ARHGEF17: variants seen among roughly 807,000 people sequenced by gnomAD.
The protein encoded by ARHGEF17 is Rho guanine nucleotide exchange factor 17, also known as 164 kDa Rho-specific guanine-nucleotide exchange factor.
ARHGEF17 carries 80 observed loss-of-function variants against 174.0 expected under a neutral mutation model. The ratio of observed to expected loss-of-function variants is 0.46; its 90% CI spans 0.38 to 0.55. The LOEUF (loss-of-function observed/expected upper bound fraction) is 0.55, where lower values mean the gene tolerates loss of function less well. Among genes scored for constraint, ARHGEF17 ranks in the 20% least tolerant of loss-of-function variants. The probability of loss-of-function intolerance (pLI) is 0.00; values close to 1 mark genes in which losing one functional copy is unlikely to be tolerated. For missense variants in ARHGEF17, 2,886 were observed against 2,839.7 expected (o/e 1.02, Z -0.37); for synonymous variants, 1,311 against 1,189.1 (o/e 1.10, Z -2.11).
chr11:73,309,377 G>A lies in ARHGEF17; in HGVS notation c.739G>A (p.Ala247Thr), dbSNP rs201209112. The A allele has an allele frequency of 9.1e-5, 145 of 1,589,580 alleles. No homozygotes were observed. In the African/African-American group the frequency reaches 1.8e-3, roughly 20 times the overall value. Residue 247 changes from alanine (A) to threonine (T), a missense_variant, in exon 1 of 21, where the codon GCT becomes ACT. Transcript: ENST00000263674. Reference protein sequence around the residue: ...AASYPVSRSRAASSSEEEEEG... With the variant: ...AASYPVSRSRTASSSEEEEEG... ...CTCCTATCCTGTCAGCCGCAGTCGT[G>A]CTGCCAGCTCCAGCGAGGAGGAAGA...
In ARHGEF17 at chr11:73,365,920, C is replaced by G. The variant is rs1333561187; in HGVS notation, c.5968C>G (p.Pro1990Ala). Residue 1990 changes from proline (P) to alanine (A), a missense_variant, in exon 20 of 21, where the codon CCA becomes GCA. Physicochemically the swap from Pro to Ala is conservative, Grantham distance 27 (BLOSUM62 -1). This residue lies in a region of ARHGEF17 where 329 missense variants were observed against 435.2 expected (regional missense o/e 0.76). Coordinates refer to ENST00000263674, the MANE Select transcript of ARHGEF17 (RefSeq NM_014786.4). The surrounding 1 kb of genome is among the most constrained non-coding windows in gnomAD (Gnocchi z 4.9). Reference sequence around the variant, plus strand: ...GCCAGATGGCTTCAACCTGCTCTGCCCAACCCCACCACCTCCCCCAGACAC... The same window carrying G: ...GCCAGATGGCTTCAACCTGCTCTGCGCAACCCCACCACCTCCCCCAGACAC... ...QLPDGFNLLC[P>A]TPPPPPDTGP... 2 of 1,605,038 alleles carry G rather than the reference C, an allele frequency of 1.2e-6. No individual in the cohort carries two copies. Among genetic ancestry groups the G allele is most frequent in the Middle Eastern group, 1.7e-4 (1 of 6,042 alleles).
Position 73,362,420 on chromosome 11 carries a change from C to CGTCTT in ARHGEF17, c.4695-12_4695-8dup. 6.5e-7 allele frequency: 1 copy of CGTCTT among 1,535,286 alleles called. No homozygotes were observed. Among genetic ancestry groups the CGTCTT allele is most frequent in the Non-Finnish European group, 8.7e-7 (1 of 1,146,934 alleles). ...CTCGTAGCTGCTGTCATCCTCACTC[C>CGTCTT]GTCTTCTCGCAGGGAGCCTCCTCCG... On this transcript the variant is annotated splice_polypyrimidine_tract_variant and intron_variant, in intron 13 of 20. Transcript: ENST00000263674.
chr11:73,341,162 A>G (rs1865362184), intron 1 of ARHGEF17, among the ~76,000 whole-genome samples: 1 of 152,188 alleles, frequency 6.6e-6, no homozygotes, highest in Non-Finnish European at 1.5e-5. Flanking sequence ...TTAAATGTAT[A>G]TTTACGAACT....
In ARHGEF17 at chr11:73,308,762, G is replaced by T; in HGVS notation, c.124G>T (p.Ala42Ser). ...GGACACCCCCGGCTTGAGGCGACGCGCCTCGTGCCGGCCGACCACGGCTGC... is the reference window on the plus strand; with the variant it reads ...GGACACCCCCGGCTTGAGGCGACGCTCCTCGTGCCGGCCGACCACGGCTGC... ...DTDTPGLRRR[A>S]SCRPTTAARG... The change falls in exon 1 of 21, where the codon GCC (alanine) becomes TCC (serine). Residue 42 changes from alanine to serine, a missense_variant. Physicochemically the swap from Ala to Ser is moderately conservative, Grantham distance 99. Around this residue, in one of 4 missense-constraint regions of ARHGEF17, gnomAD observed 1,728 missense variants for 1,461.2 expected, o/e 1.18. Transcript: ENST00000263674. 2 of 1,457,690 alleles carry T rather than the reference G, an allele frequency of 1.4e-6. No homozygotes were observed. The highest frequency in any genetic ancestry group is 1.8e-6 in the Non-Finnish European group (2 of 1,112,684). The allele number at this position is 1,457,690 out of a possible 1,614,324, so 90.3% of individuals were successfully genotyped here.
At position 73,310,365 on chromosome 11, in the gene ARHGEF17, C is replaced by G. The variant is rs370293085; in HGVS notation, c.1727C>G (p.Pro576Arg). 9 of 1,613,804 alleles carry G rather than the reference C, an allele frequency of 5.6e-6. No individual in the cohort carries two copies. Among genetic ancestry groups the G allele is most frequent in the Non-Finnish European group, 7.6e-6 (9 of 1,180,028 alleles). Reference protein sequence around the residue: ...SSSSELLLTGPGAEEDPLPLI... With the variant: ...SSSSELLLTGRGAEEDPLPLI... ...TCCTCCGAGCTCCTGCTCACAGGCCCTGGTGCCGAGGAGGATCCGCTGCCC... is the reference window on the plus strand; with the variant it reads ...TCCTCCGAGCTCCTGCTCACAGGCCGTGGTGCCGAGGAGGATCCGCTGCCC... The change falls in exon 1 of 21, where the codon CCT becomes CGT. Residue 576 changes from proline (P) to arginine (R), a missense_variant. Around this residue, in one of 4 missense-constraint regions of ARHGEF17, gnomAD observed 1,728 missense variants for 1,461.2 expected, o/e 1.18. Coordinates refer to ENST00000263674, the MANE Select transcript of ARHGEF17 (RefSeq NM_014786.4).
In ARHGEF17 at chr11:73,365,817, C is replaced by T. The variant is rs779533836; in HGVS notation, c.5865C>T (p.Cys1955=). 2 of 1,613,428 alleles carry T rather than the reference C, an allele frequency of 1.2e-6. No homozygotes were observed. Among genetic ancestry groups the T allele is most frequent in the Non-Finnish European group, 8.5e-7 (1 of 1,180,032 alleles). Residue 1955 remains cysteine (C), a synonymous_variant, in exon 20 of 21, where the codon TGC becomes TGT. Transcript: ENST00000263674. The surrounding 1 kb of genome is among the most constrained non-coding windows in gnomAD (Gnocchi z 4.9). ...TMPTSPGTVS[C]PRAPLSPTGL... ...CCACTTCGCCCGGTACTGTCAGCTG[C>T]CCACGGGCACCACTCAGTCCCACAG...
At chr11:73,339,564 A>G (rs1173752041) in intron 1 of ARHGEF17, among the ~76,000 whole-genome samples, 2 of 152,228 alleles carry the variant, frequency 1.3e-5, no homozygotes, top group East Asian at 3.9e-4. Context: ...CCAGGTGGAC[A>G]GTGCCCAGAT....
At chr11:73,361,723 G>A (rs1006314357) in intron 12 of ARHGEF17, among the ~76,000 whole-genome samples, 2 of 151,974 alleles carry the variant, frequency 1.3e-5, no homozygotes, top group Non-Finnish European at 2.9e-5. Context: ...GTTTAGTGGC[G>A]CGCCCCTGTG....
chr11:73,325,488 C>T (rs1865086256), intron 1 of ARHGEF17, among the ~76,000 whole-genome samples: 1 of 152,120 alleles, frequency 6.6e-6, no homozygotes, highest in South Asian at 2.1e-4. Flanking sequence ...GACAGCAAAC[C>T]CCCACCCATC....
rs1865649838 is a variant in ARHGEF17, at chr11:73,356,796, C to T, written c.3891+37C>T. ...CCCAGTATCTGTCCGGCTGTCCCCA[C>T]CTCCTCACTTTGTCCTCTCTTCTGC... is the stretch of plus-strand genomic sequence containing the variant. On this transcript the variant is annotated intron_variant, in intron 7 of 20. Transcript: ENST00000263674. The T allele has an allele frequency of 8.7e-6, 14 of 1,613,760 alleles. No individual in the cohort carries two copies. In the East Asian group the frequency reaches 2.9e-4, roughly 33 times the overall value.
chr11:73,366,084 A>G (rs1192451259), intron 20 of ARHGEF17, 137 bp downstream of exon 20: 8 of 1,175,484 alleles, frequency 6.8e-6, no homozygotes, highest in Non-Finnish European at 9.4e-6. Flanking sequence ...GACAGGAAAT[A>G]CACCACGGAA....
At chr11:73,344,162 C>G (rs566355967) in intron 1 of ARHGEF17, among the ~76,000 whole-genome samples, 9 of 152,234 alleles carry the variant, frequency 5.9e-5, no homozygotes, top group African/African-American at 2.2e-4. Context: ...TGTGGGGAGG[C>G]TGGGTGTGAA....
intron 11 of ARHGEF17, 56 bp from the exon 12 acceptor site, chr11:73,361,032 G>T: frequency 6.8e-7 from 1 of 1,464,770 alleles, no homozygotes; most frequent in South Asian, 1.2e-5. Context: ...GCAGGACCAG[G>T]GTGAGATGGA....
chr11:73,315,748 G>T (rs367857076), intron 1 of ARHGEF17, among the ~76,000 whole-genome samples: 167 of 152,274 alleles, frequency 1.1e-3, no homozygotes, highest in African/African-American at 3.9e-3. Context: ...TGGGCTCTTG[G>T]GGGGAACACT....
intron 1 of ARHGEF17, among the ~76,000 whole-genome samples, chr11:73,316,203 G>A (rs1297005287): frequency 1.3e-5 from 2 of 152,248 alleles, no homozygotes; most frequent in Non-Finnish European, 1.5e-5. Context: ...GAGATGGAAA[G>A]AAATATGGCA....
At chr11:73,351,595 TCGCC>T (rs1277715322) in intron 2 of ARHGEF17, among the ~76,000 whole-genome samples, 4 of 152,254 alleles carry the variant, frequency 2.6e-5, no homozygotes, top group African/African-American at 9.6e-5. Context: ...CACACCATTA[TCGCC>T]TTATTTATTT....
At chr11:73,341,446 A>T (rs1865366867) in intron 1 of ARHGEF17, among the ~76,000 whole-genome samples, 1 of 151,828 alleles carries the variant, frequency 6.6e-6, no homozygotes, top group South Asian at 2.1e-4. Flanking sequence ...AGCTGGGATT[A>T]CAGGCATGCG....
In ARHGEF17 at chr11:73,308,594, C is replaced by T. The variant is rs776166470; in HGVS notation, c.-45C>T. The T allele has an allele frequency of 1.1e-5, 15 of 1,386,236 alleles. No homozygotes were observed. In the South Asian group the frequency reaches 2.4e-4, roughly 22 times the overall value. The allele number at this position is 1,386,236 out of a possible 1,614,324, so 85.9% of individuals were successfully genotyped here. A position where few individuals can be genotyped will look rare whatever the true frequency, so the allele number is the denominator to read the frequency against. ...GGAGTGGGGGCGCAGGGGGGGTTGG[C>T]CGCGGCTGCCCGAGGCCAGCCCCCC... On this transcript the variant is annotated 5_prime_UTR_variant, in exon 1 of 21. Coordinates refer to ENST00000263674, the MANE Select transcript of ARHGEF17 (RefSeq NM_014786.4).
chr11:73,353,669 C>T (rs990711366), intron 3 of ARHGEF17, among the ~76,000 whole-genome samples: 13 of 151,974 alleles, frequency 8.6e-5, no homozygotes, highest in African/African-American at 3.1e-4. Flanking sequence ...GTTCCAGTGC[C>T]CCGGCTTCCC....
Sources: allele counts gnomAD v4.1 joint callset (sites outside exome capture counted in the v4.1 genomes callset), GRCh38; gene constraint gnomAD v4.1.1; regional missense constraint gnomAD v4.1.1; non-coding constraint Gnocchi (gnomAD v3.1); transcripts MANE v1.5; gene names NCBI Gene and HGNC (gene_info 2026-07-23, HGNC 2026-07-21).